PRKAR1B: variants seen among roughly 807,000 people sequenced by gnomAD.
PRKAR1B encodes protein kinase cAMP-dependent type I regulatory subunit beta, also known as cAMP-dependent protein kinase type I-beta regulatory subunit.
PRKAR1B carries 22 observed loss-of-function variants against 46.5 expected under a neutral mutation model. The observed-to-expected ratio is 0.47, with a 90% CI of 0.34 to 0.68. PRKAR1B has a LOEUF of 0.68. Among genes scored for constraint, PRKAR1B ranks in the 30% least tolerant of loss-of-function variants. The probability of loss-of-function intolerance (pLI) is 0.01; values close to 1 mark genes in which losing one functional copy is unlikely to be tolerated. For missense variants in PRKAR1B, 445 were observed against 535.6 expected (o/e 0.83, Z 1.67); for synonymous variants, 259 against 217.7 (o/e 1.19, Z -1.67).
At chr7:685,955 T>G (rs1779073928) in intron 2 of PRKAR1B, among the ~76,000 whole-genome samples, 1 of 152,144 alleles carries the variant, frequency 6.6e-6, no homozygotes, top group African/African-American at 2.4e-5. Context: ...CATAATAAAA[T>G]TTTGAAAAGG....
intron 10 of PRKAR1B, 53 bp from the exon 11 acceptor site, chr7:550,655 G>A: frequency 6.9e-7 from 1 of 1,441,146 alleles, no homozygotes; most frequent in Non-Finnish European, 9.2e-7. Flanking sequence ...TGAGGCTGCA[G>A]CAGGGAAAGA....
intron 1 of PRKAR1B, among the ~76,000 whole-genome samples, chr7:715,180 A>G (rs1170700697): frequency 6.6e-6 from 1 of 152,152 alleles, no homozygotes; most frequent in African/African-American, 2.4e-5. Context: ...TCCGTCTCGA[A>G]ATAAATAAAT....
At chr7:711,791 C>T (rs1445940875) in intron 1 of PRKAR1B, among the ~76,000 whole-genome samples, 4 of 151,816 alleles carry the variant, frequency 2.6e-5, no homozygotes, top group African/African-American at 9.7e-5. Context: ...CAGGGGTGCA[C>T]GCGGCTGAGA....
intron 4 of PRKAR1B, among the ~76,000 whole-genome samples, chr7:658,811 A>G (rs908427452): frequency 1.3e-5 from 2 of 151,854 alleles, no homozygotes; most frequent in Non-Finnish European, 2.9e-5. Flanking sequence ...CCATCATGCC[A>G]GGCTAATTTT....
chr7:686,173 C>T (rs759674018), intron 2 of PRKAR1B, among the ~76,000 whole-genome samples: 25 of 151,934 alleles, frequency 1.6e-4, no homozygotes, highest in Admixed American at 1.6e-3. Context: ...TGGTGGTGGG[C>T]ACCTGTAGTC....
intron 3 of PRKAR1B, among the ~76,000 whole-genome samples, chr7:677,870 G>A (rs904180595): frequency 4.6e-5 from 7 of 152,226 alleles, no homozygotes; most frequent in African/African-American, 1.7e-4. Flanking sequence ...ACTATGCACT[G>A]AGGTTATAAC....
rs751827709 is a variant in PRKAR1B, at chr7:644,893, G to A, written c.440+32336C>T. Among the ~76,000 whole-genome samples the A allele has an allele frequency of 3.3e-5, 5 of 152,166 alleles. No homozygotes were observed. The highest frequency in any genetic ancestry group is 2.9e-5 in the Non-Finnish European group (2 of 68,036). ...TGAGTCCTGGGCCTGCTCAGAGGCCGCCCAGGCCACCCCGTCTCACGATGG... is the reference window on the plus strand; with the variant it reads ...TGAGTCCTGGGCCTGCTCAGAGGCCACCCAGGCCACCCCGTCTCACGATGG... On this transcript the variant is annotated intron_variant, in intron 4 of 10. Transcript: ENST00000537384. The surrounding 1 kb of genome is among the most constrained non-coding windows in gnomAD (Gnocchi z 4.9).
intron 2 of PRKAR1B, among the ~76,000 whole-genome samples, chr7:694,833 C>G (rs544685102): frequency 1.1e-4 from 17 of 152,136 alleles, no homozygotes; most frequent in Admixed American, 5.9e-4. Context: ...GTCAGAAGTT[C>G]GAGACCAGCC....
rs746945375 is a variant in PRKAR1B, at chr7:550,526, C to T, written c.1050G>A (p.Leu350=). Residue 350 remains leucine, a synonymous_variant, in exon 11 of 11, where the codon CTG becomes CTA. Coordinates refer to ENST00000537384, the MANE Select transcript of PRKAR1B (RefSeq NM_001164760.2). Reference sequence around the variant, plus strand: ...GCACACGCTCGAAGCGGGGCCGGTCCAGCTTCACACACTTGAGGGGCCCCC... The same window carrying T: ...GCACACGCTCGAAGCGGGGCCGGTCTAGCTTCACACACTTGAGGGGCCCCC... The part of the protein sequence containing the change: ...VARGPLKCVK[L]DRPRFERVLG... 6.2e-6 allele frequency: 10 copies of T among 1,604,982 alleles called. No individual in the cohort carries two copies. The highest frequency in any genetic ancestry group is 8.5e-6 in the Non-Finnish European group (10 of 1,176,320).
In PRKAR1B at chr7:725,262, C is replaced by T. The variant is rs112151423; in HGVS notation, c.-23+1948G>A. Among the ~76,000 whole-genome samples the T allele has an allele frequency of 1.9e-3, 293 of 151,002 alleles. 1 individual carries two copies. The highest frequency in any genetic ancestry group is 5.6e-3 in the African/African-American group (229 of 41,234). ...CGACAAACACCACCATTTTGCAACA[C>T]GAAGATCAACAACAAAAAAGAAGGT... is the stretch of plus-strand genomic sequence containing the variant. On this transcript the variant is annotated intron_variant, in intron 1 of 10. Coordinates refer to ENST00000537384, the MANE Select transcript of PRKAR1B (RefSeq NM_001164760.2).
chr7:619,666 G>A (rs1421791255), intron 4 of PRKAR1B, among the ~76,000 whole-genome samples: 3 of 152,188 alleles, frequency 2.0e-5, no homozygotes, highest in Admixed American at 1.3e-4. Context: ...TCGGCCCCAC[G>A]CCATTGTTCT....
chr7:580,452 C>T (rs538726350), intron 8 of PRKAR1B, among the ~76,000 whole-genome samples: 2 of 151,834 alleles, frequency 1.3e-5, no homozygotes, highest in African/African-American at 2.4e-5. Flanking sequence ...TGGTAACTGC[C>T]CATCGAAAAG....
At chr7:583,660 GCA>G (rs1562537746) in intron 8 of PRKAR1B, among the ~76,000 whole-genome samples, 8 of 137,086 alleles carry the variant, frequency 5.8e-5, no homozygotes, top group Non-Finnish European at 7.8e-5. Flanking sequence ...ACACCCATGC[GCA>G]CACACCCACA....
At chr7:556,995 G>T (rs771549429) in intron 9 of PRKAR1B, among the ~76,000 whole-genome samples, 1 of 152,090 alleles carries the variant, frequency 6.6e-6, no homozygotes, top group Non-Finnish European at 1.5e-5. Flanking sequence ...TCCCACAGCC[G>T]ACCCCCACCT....
intron 9 of PRKAR1B, 109 bp from the exon 10 acceptor site, chr7:551,579 C>T: frequency 1.9e-6 from 2 of 1,064,244 alleles, no homozygotes; most frequent in Non-Finnish European, 1.4e-6. Flanking sequence ...CACCTCCCAC[C>T]CAGGTCCTTC....
chr7:693,403 GT>G (rs1455731497), intron 2 of PRKAR1B, among the ~76,000 whole-genome samples: 31 of 152,108 alleles, frequency 2.0e-4, no homozygotes, highest in African/African-American at 5.8e-4. Context: ...TTCAGCAGCT[GT>G]CCCCCGACAC....
intron 9 of PRKAR1B, among the ~76,000 whole-genome samples, chr7:578,052 G>A (rs1323929791): frequency 4.6e-5 from 7 of 152,248 alleles, no homozygotes; most frequent in Admixed American, 1.3e-4. Flanking sequence ...GCGCCCGGGT[G>A]TTGTCATGGC....
At chr7:629,731 G>C (rs1554295515) in intron 4 of PRKAR1B, among the ~76,000 whole-genome samples, 47 of 39,416 alleles carry the variant, frequency 1.2e-3, no homozygotes, top group South Asian at 2.7e-3. Flanking sequence ...CACGGCCTCC[G>C]AGGGCGCCAC....
At position 593,096 on chromosome 7, in the gene PRKAR1B, G is replaced by A. The variant is rs762132152; in HGVS notation, c.708+3050C>T. Among the ~76,000 whole-genome samples, 2 of 152,194 alleles carry A rather than the reference G, an allele frequency of 1.3e-5. No individual in the cohort carries two copies. The highest frequency in any genetic ancestry group is 2.1e-4 in the South Asian group (1 of 4,830). On this transcript the variant is annotated intron_variant, in intron 7 of 10. Transcript: ENST00000537384. The surrounding 1 kb of genome is among the most constrained non-coding windows in gnomAD (Gnocchi z 6.1). ...AGCAAGTCTGGGGAGTGCTGGCCCC[G>A]GGCTGGGCCCCTGCCTGGGAGCCTA...
Sources: gnomAD v4.1 joint callset for allele counts (sites outside exome capture counted in the v4.1 genomes callset) on GRCh38, gnomAD v4.1.1 for gene constraint, Gnocchi (gnomAD v3.1) non-coding constraint, MANE v1.5 for transcripts, NCBI Gene and HGNC (gene_info 2026-07-23, HGNC 2026-07-21) for gene names.